Variants in NPTN observed in about 807,000 individuals in gnomAD.
The protein encoded by NPTN is neuroplastin.
NPTN carries 5 observed loss-of-function variants against 42.7 expected under a neutral mutation model. The observed-to-expected ratio is 0.12, with a 90% confidence interval of 0.06 to 0.25. The LOEUF (loss-of-function observed/expected upper bound fraction) is 0.25, where lower values mean the gene tolerates loss of function less well. Ranked by LOEUF, NPTN falls within the 10% of genes least tolerant of loss-of-function variation. The pLI, the probability that NPTN is intolerant of heterozygous loss-of-function variation, is 1.00. For missense variants in NPTN, 307 were observed against 525.4 expected (o/e 0.58, Z 4.06); for synonymous variants, 180 against 201.9 (o/e 0.89, Z 0.92).
At chr15:73,574,156 TTTCTTAA>T (rs1316054345) in intron 4 of NPTN, among the ~76,000 whole-genome samples, 1 of 152,216 alleles carries the variant, frequency 6.6e-6, no homozygotes, top group African/African-American at 2.4e-5. Context: ...GCCCAAGTTT[TTTCTTAA>T]AACACCTGCA....
chr15:73,633,216 C>T lies in NPTN; in HGVS notation c.-1G>A, dbSNP rs1054213425. The T allele has an allele frequency of 1.0e-5, 16 of 1,527,396 alleles. No homozygotes were observed. In the African/African-American group the frequency reaches 2.2e-4, roughly 21 times the overall value. 94.6% of individuals were successfully genotyped at this position (1,527,396 alleles called of 1,614,324 possible). A position where few individuals can be genotyped will look rare whatever the true frequency, so the allele number is the denominator to read the frequency against. ...CGCTGGGCAGCGACGAACCCGACAT[C>T]CTCCCTAGCAGAAGACCCAACAGCG... On this transcript the variant is annotated 5_prime_UTR_variant, in exon 1 of 9. Transcript: ENST00000345330.
chr15:73,613,735 G>C (rs1897713798), intron 1 of NPTN, among the ~76,000 whole-genome samples: 1 of 152,018 alleles, frequency 6.6e-6, no homozygotes, highest in Admixed American at 6.5e-5. Context: ...GCCCAGGATG[G>C]GGTGCAGTGG....
Position 73,571,584 on chromosome 15 carries a change from A to G in NPTN, c.841-1161T>C, listed in dbSNP as rs143621309. On this transcript the variant is annotated intron_variant, in intron 5 of 8. Transcript: ENST00000345330. ...ACTGTGGAGGAGGACAGCTGATCAA[A>G]CAGGGAGGAGCAGTGCAGGCAGGGA... is the stretch of plus-strand genomic sequence containing the variant. Among the ~76,000 whole-genome samples, 896 of 152,316 alleles carry G rather than the reference A, an allele frequency of 5.9e-3. 5 individuals are homozygous for G. The highest frequency in any genetic ancestry group is 0.02 in the African/African-American group (850 of 41,566).
chr15:73,569,206 C>T lies in NPTN; in HGVS notation c.1114+944G>A, dbSNP rs1895226153. On this transcript the variant is annotated intron_variant, in intron 6 of 8. Transcript: ENST00000345330. The surrounding 1 kb of genome is among the most constrained non-coding windows in gnomAD (Gnocchi z 4.1). Reference sequence around the variant, plus strand: ...GGCCAATTAATTTCTGTACGCCGGTCATGTTATAGGGTGGGGATGGGGAGC... The same window carrying T: ...GGCCAATTAATTTCTGTACGCCGGTTATGTTATAGGGTGGGGATGGGGAGC... 1 of 985,490 alleles carries T rather than the reference C, an allele frequency of 1.0e-6. No homozygotes were observed. The highest frequency in any genetic ancestry group is 1.7e-5 in the African/African-American group (1 of 57,346). The allele number at this position is 985,490 out of a possible 1,614,324, so 61.0% of individuals were successfully genotyped here. A position where few individuals can be genotyped will look rare whatever the true frequency, so the allele number is the denominator to read the frequency against.
intron 3 of NPTN, among the ~76,000 whole-genome samples, chr15:73,588,755 T>A (rs1896441265): frequency 6.6e-6 from 1 of 152,208 alleles, no homozygotes; most frequent in Non-Finnish European, 1.5e-5. Context: ...TTCCACAACA[T>A]TCTCTCTCAC....
chr15:73,569,583 C>G lies in NPTN; in HGVS notation c.1114+567G>C, dbSNP rs1255949216. ...CCACCCAGCAGAGAGCGCTGGAAAC[C>G]TATCAAAGGGACCAACCAAGGAACC... On this transcript the variant is annotated intron_variant, in intron 6 of 8. Coordinates refer to ENST00000345330, the MANE Select transcript of NPTN (RefSeq NM_012428.4). The surrounding 1 kb of genome is among the most constrained non-coding windows in gnomAD (Gnocchi z 4.1). The G allele has an allele frequency of 1.5e-5, 15 of 985,350 alleles. No homozygotes were observed. The African/African-American group carries it at 1.7e-4, about 11-fold the overall frequency. 61.0% of individuals were successfully genotyped at this position (985,350 alleles called of 1,614,324 possible).
intron 1 of NPTN, among the ~76,000 whole-genome samples, chr15:73,606,382 C>A (rs1897296313): frequency 6.6e-6 from 1 of 152,150 alleles, no homozygotes; most frequent in Non-Finnish European, 1.5e-5. Context: ...TAATTCACTT[C>A]CCAACTTCAC....
At chr15:73,583,882 T>C (rs1028660314) in intron 4 of NPTN, among the ~76,000 whole-genome samples, 3 of 152,242 alleles carry the variant, frequency 2.0e-5, no homozygotes, top group Admixed American at 2.0e-4. Flanking sequence ...TTCTTCACAG[T>C]GATCTTCATC....
In NPTN at chr15:73,570,991, A is replaced by G. The variant is rs1475084267; in HGVS notation, c.841-568T>C. ...GAAAGGTTATTCAATCAATCAACAA[A>G]TATTTGTGGCTGGGCACAGAGGCTC... On this transcript the variant is annotated intron_variant, in intron 5 of 8. Coordinates refer to ENST00000345330, the MANE Select transcript of NPTN (RefSeq NM_012428.4). This position sits in a 1 kb window ranked among gnomAD's most constrained non-coding sequence, Gnocchi z 4.0. Among the ~76,000 whole-genome samples, 1 of 152,232 alleles carries G rather than the reference A, an allele frequency of 6.6e-6. No homozygotes were observed.
intron 4 of NPTN, among the ~76,000 whole-genome samples, chr15:73,580,429 TATAA>T (rs1285044815): frequency 1.0e-4 from 10 of 97,442 alleles, no homozygotes; most frequent in African/African-American, 3.3e-4. Flanking sequence ...ATAATATATA[TATAA>T]TATATATAAT....
intron 1 of NPTN, 84 bp downstream of exon 1, chr15:73,633,041 G>A: frequency 1.0e-6 from 1 of 977,142 alleles, no homozygotes; most frequent in South Asian, 2.5e-5. Context: ...CCGAGCTCCA[G>A]CGTCTCCTCA....
At chr15:73,602,487 T>C (rs1897122610) in intron 1 of NPTN, among the ~76,000 whole-genome samples, 1 of 152,194 alleles carries the variant, frequency 6.6e-6, no homozygotes, top group African/African-American at 2.4e-5. Context: ...TAAACGTGAA[T>C]ACAGGAACTA....
chr15:73,564,935 C>G (rs528485965), intron 6 of NPTN, among the ~76,000 whole-genome samples: 1 of 152,166 alleles, frequency 6.6e-6, no homozygotes, highest in Non-Finnish European at 1.5e-5. Context: ...GAGGGAGAAT[C>G]GCAATAGCCA....
chr15:73,600,368 G>C (rs1252753214), intron 1 of NPTN, among the ~76,000 whole-genome samples: 1 of 152,156 alleles, frequency 6.6e-6, no homozygotes, highest in Non-Finnish European at 1.5e-5. Context: ...TAGACATATA[G>C]AGTAACAGTG....
intron 1 of NPTN, among the ~76,000 whole-genome samples, chr15:73,612,211 G>A (rs961378783): frequency 7.2e-5 from 11 of 152,078 alleles, no homozygotes; most frequent in Admixed American, 7.2e-4. Context: ...TTGAGCCCAG[G>A]AGTTCAAGAC....
At chr15:73,575,184 T>A (rs1895618639) in intron 4 of NPTN, among the ~76,000 whole-genome samples, 1 of 152,198 alleles carries the variant, frequency 6.6e-6, no homozygotes, top group South Asian at 2.1e-4. Context: ...GGTTTCATCA[T>A]GTTGGTCAGG....
intron 1 of NPTN, among the ~76,000 whole-genome samples, chr15:73,623,550 G>A (rs1298208775): frequency 5.9e-5 from 9 of 152,118 alleles, no homozygotes. Flanking sequence ...AGCCAGGCAT[G>A]GAGGTATGCG....
At chr15:73,632,060 T>A (rs1429665752) in intron 1 of NPTN, among the ~76,000 whole-genome samples, 2 of 152,144 alleles carry the variant, frequency 1.3e-5, no homozygotes, top group Non-Finnish European at 1.5e-5. Flanking sequence ...CCCATCTCCC[T>A]GTCGCCAGTC....
chr15:73,572,299 C>T (rs1275524588), intron 5 of NPTN, among the ~76,000 whole-genome samples: 1 of 152,160 alleles, frequency 6.6e-6, no homozygotes, highest in Non-Finnish European at 1.5e-5. Context: ...ATTCTGAAGA[C>T]TGATAATCAA....
Sources: gnomAD v4.1 joint callset for allele counts (sites outside exome capture counted in the v4.1 genomes callset) on GRCh38, gnomAD v4.1.1 for gene constraint, Gnocchi (gnomAD v3.1) non-coding constraint, MANE v1.5 for transcripts, NCBI Gene and HGNC (gene_info 2026-07-23, HGNC 2026-07-21) for gene names.